Variants in GTF2IRD2B observed in about 807,000 individuals in gnomAD.
GTF2IRD2B encodes the protein GTF2I repeat domain containing 2B.
A neutral mutation model predicts 55.6 loss-of-function variants in GTF2IRD2B; 10 were observed. The observed-to-expected ratio is 0.18, with a 90% CI of 0.11 to 0.31. The LOEUF is 0.31. GTF2IRD2B is among the 10% of genes least tolerant of loss of function. The pLI, the probability that GTF2IRD2B is intolerant of heterozygous loss-of-function variation, is 1.00. For missense variants in GTF2IRD2B, 206 were observed against 802.7 expected, an observed-to-expected ratio of 0.26 and a Z score of 8.98; for synonymous variants, 107 against 320.5, an observed-to-expected ratio of 0.33 and a Z score of 7.12.
At chr7:75,104,713 A>G (rs1253030460) in intron 1 of GTF2IRD2B, among the ~76,000 whole-genome samples, 1 of 152,282 alleles carries the variant, frequency 6.6e-6, no homozygotes, top group Non-Finnish European at 1.5e-5. Flanking sequence ...TTGCCGTTAC[A>G]TATTCTTTGA....
chr7:75,099,803 C>A (rs1376401923), intron 1 of GTF2IRD2B, among the ~76,000 whole-genome samples: 2 of 139,462 alleles, frequency 1.4e-5, no homozygotes, highest in African/African-American at 5.3e-5. Context: ...CTCATCTAGT[C>A]TAGTTTACAT....
chr7:75,105,192 C>CA (rs1168744429), intron 1 of GTF2IRD2B, among the ~76,000 whole-genome samples: 1 of 150,504 alleles, frequency 6.6e-6, no homozygotes, highest in Non-Finnish European at 1.5e-5. Flanking sequence ...TGTCTCAAAA[C>CA]AAAAAACAAA....
chr7:75,106,328 G>T (rs2905700), intron 1 of GTF2IRD2B, among the ~76,000 whole-genome samples: 1 of 151,200 alleles, frequency 6.6e-6, no homozygotes, highest in Non-Finnish European at 1.5e-5. Context: ...GCTTGAACCC[G>T]GGAGGCAGAG....
rs1808439785 is a variant in GTF2IRD2B, at chr7:75,123,191, A to G, written c.414A>G (p.Arg138=). 2 of 1,537,976 alleles carry G rather than the reference A, an allele frequency of 1.3e-6. No homozygotes were observed. Among genetic ancestry groups the G allele is most frequent in the Middle Eastern group, 2.4e-4 (1 of 4,166 alleles). The change falls in exon 5 of 16, where the codon CGA becomes CGG. Residue 138 remains arginine (R), a synonymous_variant. Transcript: ENST00000472837. Reference sequence around the variant, plus strand: ...CTGTTCCCTATGAGAAGATGCTGCGAGACCAGTCGGCTGTGGTAGTGCAGG... The same window carrying G: ...CTGTTCCCTATGAGAAGATGCTGCGGGACCAGTCGGCTGTGGTAGTGCAGG... The part of the protein sequence containing the change: ...MVPVPYEKML[R]DQSAVVVQGL...
At chr7:75,096,988 AAAC>A (rs1272136458) in intron 1 of GTF2IRD2B, among the ~76,000 whole-genome samples, 5 of 87,440 alleles carry the variant, frequency 5.7e-5, no homozygotes, top group African/African-American at 2.0e-4. Flanking sequence ...AACAAACAAA[AAAC>A]AACAACAAAA....
rs1808568763 is a variant in GTF2IRD2B, at chr7:75,127,649, A to C, written c.670+1264A>C. Reference sequence around the variant, plus strand: ...TAAAACATTTTGAATATAAATTTGGAATTATTACTTGACTCACAAATAGAG... The same window carrying C: ...TAAAACATTTTGAATATAAATTTGGCATTATTACTTGACTCACAAATAGAG... On this transcript the variant is annotated intron_variant, in intron 8 of 15. Coordinates refer to ENST00000472837, the MANE Select transcript of GTF2IRD2B (RefSeq NM_001003795.3). Among the ~76,000 whole-genome samples the C allele has an allele frequency of 3.2e-5, 4 of 124,728 alleles. No individual in the cohort carries two copies. The South Asian group carries it at 1.1e-3, about 35-fold the overall frequency. 81.8% of individuals were successfully genotyped at this position (124,728 alleles called of 152,430 possible).
In GTF2IRD2B at chr7:75,149,393, T is replaced by G; in HGVS notation, c.*96T>G. ...GATGACAAAATGAATTTTTTTTTTC[T>G]TTTTTGAGATGGAGTCTTGCTCTGT... On this transcript the variant is annotated 3_prime_UTR_variant, in exon 16 of 16. Coordinates refer to ENST00000472837, the MANE Select transcript of GTF2IRD2B (RefSeq NM_001003795.3). 1.3e-6 allele frequency: 1 copy of G among 775,294 alleles called. No individual in the cohort carries two copies. Among genetic ancestry groups the G allele is most frequent in the Non-Finnish European group, 2.4e-6 (1 of 416,978 alleles). 48.0% of individuals were successfully genotyped at this position (775,294 alleles called of 1,614,324 possible).
chr7:75,112,660 G>C lies in GTF2IRD2B; in HGVS notation c.238+125G>C, dbSNP rs1255737537. 1.9e-6 allele frequency: 3 copies of C among 1,585,594 alleles called. 1 individual carries two copies. The highest frequency in any genetic ancestry group is 2.6e-6 in the Non-Finnish European group (3 of 1,164,078). On this transcript the variant is annotated intron_variant, in intron 3 of 15. Coordinates refer to ENST00000472837, the MANE Select transcript of GTF2IRD2B (RefSeq NM_001003795.3). Reference sequence around the variant, plus strand: ...AGAAACGATCCTAACACATCTTCTTGGATTCAGCTTACCAAATAAATACTG... The same window carrying C: ...AGAAACGATCCTAACACATCTTCTTCGATTCAGCTTACCAAATAAATACTG...
intron 1 of GTF2IRD2B, among the ~76,000 whole-genome samples, chr7:75,105,660 G>A (rs1312635552): frequency 6.6e-6 from 1 of 152,312 alleles, no homozygotes; most frequent in Non-Finnish European, 1.5e-5. Flanking sequence ...TCAGAAAGAT[G>A]ATAACTCTAA....
At chr7:75,104,868 C>T (rs1807723943) in intron 1 of GTF2IRD2B, among the ~76,000 whole-genome samples, 1 of 152,292 alleles carries the variant, frequency 6.6e-6, no homozygotes, top group Non-Finnish European at 1.5e-5. Context: ...TTTCTGACTC[C>T]AGCTCTGTTG....
chr7:75,106,843 T>G, intron 1 of GTF2IRD2B, among the ~76,000 whole-genome samples: 1 of 135,184 alleles, frequency 7.4e-6, no homozygotes. Context: ...GAAGATCACT[T>G]GAGCCTGAGA....
intron 1 of GTF2IRD2B, among the ~76,000 whole-genome samples, chr7:75,096,658 T>G (rs1807388921): frequency 7.0e-6 from 1 of 143,698 alleles, no homozygotes; most frequent in Non-Finnish European, 1.5e-5. Flanking sequence ...ACTCCTGACC[T>G]CAGGTGATCC....
Position 75,123,212 on chromosome 7 carries a change from G to A in GTF2IRD2B, c.435G>A (p.Val145=), listed in dbSNP as rs782744572. The change falls in exon 5 of 16, where the codon GTG becomes GTA. Residue 145 remains valine, a synonymous_variant. Coordinates refer to ENST00000472837, the MANE Select transcript of GTF2IRD2B (RefSeq NM_001003795.3). ...TGCGAGACCAGTCGGCTGTGGTAGTGCAGGGGCTTCCGGAAGGCGTTGCCT... is the reference window on the plus strand; with the variant it reads ...TGCGAGACCAGTCGGCTGTGGTAGTACAGGGGCTTCCGGAAGGCGTTGCCT... ...KMLRDQSAVV[V]QGLPEGVAFQ... 5.9e-6 allele frequency: 9 copies of A among 1,515,790 alleles called. No homozygotes were observed. In the African/African-American group the frequency reaches 8.0e-5, roughly 13 times the overall value. The allele number at this position is 1,515,790 out of a possible 1,614,324, so 93.9% of individuals were successfully genotyped here. A position where few individuals can be genotyped will look rare whatever the true frequency, so the allele number is the denominator to read the frequency against.
In GTF2IRD2B at chr7:75,123,856, C is replaced by T. The variant is rs1554536109; in HGVS notation, c.571+340C>T. 44 of 357,060 alleles carry T rather than the reference C, an allele frequency of 1.2e-4. 1 individual carries two copies. Among genetic ancestry groups the T allele is most frequent in the Non-Finnish European group, 1.5e-4 (27 of 182,346 alleles). The allele number at this position is 357,060 out of a possible 1,614,324, so 22.1% of individuals were successfully genotyped here. ...TCGCGCCACTGCACTCCAGCCTGGGCGACTGAGCAAGACTCCGTCTCAAAA... is the reference window on the plus strand; with the variant it reads ...TCGCGCCACTGCACTCCAGCCTGGGTGACTGAGCAAGACTCCGTCTCAAAA... On this transcript the variant is annotated intron_variant, in intron 6 of 15. Transcript: ENST00000472837.
intron 10 of GTF2IRD2B, among the ~76,000 whole-genome samples, chr7:75,135,952 C>CT (rs1808822205): frequency 2.3e-5 from 1 of 44,114 alleles, no homozygotes; most frequent in Non-Finnish European, 3.9e-5. Flanking sequence ...ACCAGCCCGG[C>CT]CAACATGGTG....
chr7:75,132,501 G>C (rs1181324611), intron 8 of GTF2IRD2B, among the ~76,000 whole-genome samples: 3 of 145,974 alleles, frequency 2.1e-5, no homozygotes, highest in African/African-American at 5.5e-5. Flanking sequence ...TCAGAACTAA[G>C]CTCTCCCGCC....
intron 8 of GTF2IRD2B, among the ~76,000 whole-genome samples, chr7:75,132,933 T>C (rs1289716031): frequency 2.9e-5 from 4 of 139,878 alleles, no homozygotes; most frequent in Non-Finnish European, 6.0e-5. Context: ...CACAAATGTA[T>C]GTTTTCTATA....
intron 1 of GTF2IRD2B, among the ~76,000 whole-genome samples, chr7:75,105,214 A>C (rs1554450048): frequency 5.8e-4 from 88 of 152,372 alleles, no homozygotes; most frequent in African/African-American, 2.1e-3. Flanking sequence ...AACAAAAAAA[A>C]AACAACAGAC....
rs587745571 is a variant in GTF2IRD2B, at chr7:75,092,939, C to T, written c.-6+174C>T. Among the ~76,000 whole-genome samples the T allele has an allele frequency of 1.7e-4, 26 of 151,798 alleles. No individual in the cohort carries two copies. In the East Asian group the frequency reaches 4.4e-3, roughly 26 times the overall value. On this transcript the variant is annotated intron_variant, in intron 1 of 15. Transcript: ENST00000472837. The stretch of plus-strand genomic sequence containing the variant: ...GGCGAGGCACCCCCGAACCCCGATC[C>T]CTGCTGGCAGGACCAGAGGTGTGAG...
Sources: allele counts gnomAD v4.1 joint callset (sites outside exome capture counted in the v4.1 genomes callset), GRCh38; gene constraint gnomAD v4.1.1; transcripts MANE v1.5; gene names NCBI Gene and HGNC (gene_info 2026-07-23, HGNC 2026-07-21).